PKN2: variants seen among roughly 807,000 people sequenced by gnomAD.
The protein encoded by PKN2 is protein kinase N2.
Under a neutral mutation model 119.1 loss-of-function variants are expected in PKN2, and 38 were observed. The ratio of observed to expected loss-of-function variants is 0.32; its 90% CI spans 0.25 to 0.42. PKN2 has a LOEUF of 0.42. Ranked by LOEUF, PKN2 falls within the 10% of genes least tolerant of loss-of-function variation. PKN2 has a pLI of 1.00. For missense variants in PKN2, 850 were observed against 1,165.1 expected, an observed-to-expected ratio of 0.73 and a Z score of 3.94; for synonymous variants, 390 against 384.9, an observed-to-expected ratio of 1.01 and a Z score of -0.15.
chr1:88,714,888 A>C (rs1418026046), intron 1 of PKN2, among the ~76,000 whole-genome samples: 1 of 152,198 alleles, frequency 6.6e-6, no homozygotes, highest in Non-Finnish European at 1.5e-5. Flanking sequence ...TTGCCCATTC[A>C]GTATGATATT....
chr1:88,720,515 T>A (rs1667631453), intron 1 of PKN2, among the ~76,000 whole-genome samples: 1 of 152,188 alleles, frequency 6.6e-6, no homozygotes, highest in Admixed American at 6.5e-5. Context: ...TAGGAGGTAA[T>A]ACAGCCCCAT....
At chr1:88,729,485 A>G (rs1668043296) in intron 1 of PKN2, among the ~76,000 whole-genome samples, 2 of 152,298 alleles carry the variant, frequency 1.3e-5, no homozygotes, top group South Asian at 2.1e-4. Flanking sequence ...CTTCACTCAC[A>G]TGTCTGGTGC....
At chr1:88,732,675 A>T (rs1229877224) in intron 1 of PKN2, among the ~76,000 whole-genome samples, 1 of 152,186 alleles carries the variant, frequency 6.6e-6, no homozygotes, top group African/African-American at 2.4e-5. Context: ...AAAAATTTCT[A>T]ATTATTATCT....
In PKN2 at chr1:88,684,537, C is replaced by A; in HGVS notation, c.-44C>A. Reference sequence around the variant, plus strand: ...AGCCCCGTCCCGCCTTCTCCCTTCGCCAGAGGCGGCCGCGTCCAGGTGCGG... The same window carrying A: ...AGCCCCGTCCCGCCTTCTCCCTTCGACAGAGGCGGCCGCGTCCAGGTGCGG... On this transcript the variant is annotated 5_prime_UTR_variant, in exon 1 of 22. Coordinates refer to ENST00000370521, the MANE Select transcript of PKN2 (RefSeq NM_006256.4). 6.5e-7 allele frequency: 1 copy of A among 1,531,812 alleles called. No individual in the cohort carries two copies. Among genetic ancestry groups the A allele is most frequent in the Non-Finnish European group, 8.8e-7 (1 of 1,137,656 alleles). 94.9% of individuals were successfully genotyped at this position (1,531,812 alleles called of 1,614,324 possible).
intron 8 of PKN2, among the ~76,000 whole-genome samples, chr1:88,798,151 G>A (rs1022388056): frequency 6.6e-6 from 1 of 151,430 alleles, no homozygotes; most frequent in African/African-American, 2.4e-5. Context: ...AGAAGCTTAG[G>A]GGAATAATAA....
chr1:88,829,659 AAG>A (rs1672655243), intron 19 of PKN2, among the ~76,000 whole-genome samples: 1 of 152,288 alleles, frequency 6.6e-6, no homozygotes, highest in South Asian at 2.1e-4. Flanking sequence ...GAAATTGGGA[AAG>A]AGTAAATCTT....
Position 88,701,735 on chromosome 1 carries a change from G to A in PKN2, c.48+17107G>A, listed in dbSNP as rs556891527. 7.9e-5 allele frequency among the ~76,000 whole-genome samples: 12 copies of A among 152,214 alleles called. No individual in the cohort carries two copies. In the East Asian group the frequency reaches 1.9e-3, roughly 25 times the overall value. On this transcript the variant is annotated intron_variant, in intron 1 of 21. Coordinates refer to ENST00000370521, the MANE Select transcript of PKN2 (RefSeq NM_006256.4). ...TTGTTTTATTGTTTTCAATAAATCC[G>A]AGTTTCCATCTTTGAGAAGCATCTA...
chr1:88,829,043 C>T (rs1229306565), intron 19 of PKN2: 1 of 648,340 alleles, frequency 1.5e-6, no homozygotes, highest in East Asian at 3.1e-5. Flanking sequence ...TGCATCCTTG[C>T]TTCACCGGGA....
In PKN2 at chr1:88,711,580, G is replaced by A. The variant is rs1570512729; in HGVS notation, c.48+26952G>A. Among the ~76,000 whole-genome samples the A allele has an allele frequency of 3.3e-5, 5 of 152,296 alleles. 1 individual carries two copies. The highest frequency in any genetic ancestry group is 3.4e-3 in the Middle Eastern group (1 of 294). On this transcript the variant is annotated intron_variant, in intron 1 of 21. Coordinates refer to ENST00000370521, the MANE Select transcript of PKN2 (RefSeq NM_006256.4). ...AAAATTGACTTCATATTAATGAGGT[G>A]TTTGAATTGTAGCCATTAAATCATA...
At chr1:88,801,632 GA>G (rs1671315078) in intron 8 of PKN2, among the ~76,000 whole-genome samples, 1 of 152,142 alleles carries the variant, frequency 6.6e-6, no homozygotes. Flanking sequence ...CGCTCACTGG[GA>G]ACAGTGCAAA....
chr1:88,733,043 A>G (rs1668204415), intron 1 of PKN2, among the ~76,000 whole-genome samples: 1 of 152,210 alleles, frequency 6.6e-6, no homozygotes, highest in Non-Finnish European at 1.5e-5. Flanking sequence ...AATGGGTACA[A>G]AAAAGTTGGG....
At chr1:88,771,174 T>C (rs1327151657) in intron 4 of PKN2, among the ~76,000 whole-genome samples, 2 of 152,176 alleles carry the variant, frequency 1.3e-5, no homozygotes, top group African/African-American at 2.4e-5. Flanking sequence ...GGTCTCCCCA[T>C]GTTACAATAT....
chr1:88,752,958 TTTTC>T (rs1357735520), intron 2 of PKN2, among the ~76,000 whole-genome samples: 2 of 152,158 alleles, frequency 1.3e-5, no homozygotes, highest in Non-Finnish European at 2.9e-5. Flanking sequence ...TAATGTTTCT[TTTTC>T]TTTCTTGTCA....
chr1:88,709,987 G>T (rs561842863), intron 1 of PKN2, among the ~76,000 whole-genome samples: 4 of 152,154 alleles, frequency 2.6e-5, no homozygotes, highest in African/African-American at 4.8e-5. Flanking sequence ...GTGGGTGATT[G>T]TGGATTTTGG....
intron 16 of PKN2, among the ~76,000 whole-genome samples, chr1:88,814,519 TAATAA>T (rs1344193049): frequency 6.6e-6 from 1 of 152,152 alleles, no homozygotes; most frequent in African/African-American, 2.4e-5. Flanking sequence ...CTTCCAACTC[TAATAA>T]TATTCAGTGG....
chr1:88,793,528 T>A (rs1670933532), intron 8 of PKN2, among the ~76,000 whole-genome samples: 1 of 152,028 alleles, frequency 6.6e-6, no homozygotes, highest in South Asian at 2.1e-4. Context: ...TTCTTGAACA[T>A]CAGGTACTCT....
chr1:88,826,125 A>T (rs946573746), intron 18 of PKN2, among the ~76,000 whole-genome samples: 1 of 152,136 alleles, frequency 6.6e-6, no homozygotes, highest in African/African-American at 2.4e-5. Context: ...TTATAAAATT[A>T]TCAATAAATA....
intron 1 of PKN2, among the ~76,000 whole-genome samples, chr1:88,696,353 T>TA (rs1365001104): frequency 3.9e-5 from 6 of 152,196 alleles, no homozygotes; most frequent in Admixed American, 2.0e-4. Flanking sequence ...AAGGGTAAGA[T>TA]GTATAGCCAG....
intron 1 of PKN2, among the ~76,000 whole-genome samples, chr1:88,708,387 CTA>C (rs1397573493): frequency 1.3e-5 from 2 of 151,864 alleles, no homozygotes; most frequent in African/African-American, 4.8e-5. Flanking sequence ...AGTCTTGTGA[CTA>C]TTTGTGTTTC....
Sources: allele counts gnomAD v4.1 joint callset (sites outside exome capture counted in the v4.1 genomes callset), GRCh38; gene constraint gnomAD v4.1.1; transcripts MANE v1.5; gene names NCBI Gene and HGNC (gene_info 2026-07-23, HGNC 2026-07-21).